The following DPP10 variants were observed in gnomAD, a reference collection of about 807,000 sequenced individuals.
DPP10 encodes inactive dipeptidyl peptidase 10.
A neutral mutation model predicts 120.9 loss-of-function variants in DPP10; 33 were observed. That is an observed-to-expected ratio of 0.27 (90% CI 0.21 to 0.37). The LOEUF is 0.37. Among genes scored for constraint, DPP10 ranks in the 10% least tolerant of loss-of-function variants. The pLI is 1.00. For synonymous variants in DPP10, 337 were observed against 326.1 expected (o/e 1.03, Z -0.36); for missense variants, 816 against 942.8 (o/e 0.87, Z 1.76).
intron 4 of DPP10, among the ~76,000 whole-genome samples, chr2:115,506,844 G>A (rs922535081): frequency 6.6e-6 from 1 of 152,088 alleles, no homozygotes; most frequent in Non-Finnish European, 1.5e-5. Flanking sequence ...AACTGTGAGT[G>A]TGGTTTACAT....
At chr2:115,085,638 T>C (rs1445244373) in intron 1 of DPP10, among the ~76,000 whole-genome samples, 1 of 152,088 alleles carries the variant, frequency 6.6e-6, no homozygotes, top group Non-Finnish European at 1.5e-5. Context: ...TGTTAGGAAA[T>C]CTCAAAGTTT....
intron 5 of DPP10, among the ~76,000 whole-genome samples, chr2:115,533,158 T>G (rs985411002): frequency 6.6e-6 from 1 of 152,118 alleles, no homozygotes; most frequent in Non-Finnish European, 1.5e-5. Context: ...ATGTTTGTTA[T>G]CAGAAACTTT....
chr2:114,647,449 A>T (rs1310158898), intron 1 of DPP10, among the ~76,000 whole-genome samples: 3 of 152,184 alleles, frequency 2.0e-5, no homozygotes, highest in Non-Finnish European at 4.4e-5. Flanking sequence ...GAATTTCCCT[A>T]ACTGCTTCAA....
chr2:115,058,323 C>G (rs1182864091), intron 1 of DPP10, among the ~76,000 whole-genome samples: 1 of 148,884 alleles, frequency 6.7e-6, no homozygotes, highest in East Asian at 2.0e-4. Context: ...CTAGTTAACA[C>G]CCAGCTTCTA....
intron 2 of DPP10, among the ~76,000 whole-genome samples, chr2:115,331,706 T>C (rs1422424823): frequency 2.6e-5 from 4 of 152,196 alleles, no homozygotes; most frequent in Non-Finnish European, 4.4e-5. Flanking sequence ...TTTGGTTCTA[T>C]TTATATGATG....
chr2:115,033,931 C>T (rs1573380280), intron 1 of DPP10, among the ~76,000 whole-genome samples: 1 of 116,010 alleles, frequency 8.6e-6, no homozygotes, highest in African/African-American at 3.3e-5. Flanking sequence ...CGGAGTCTTG[C>T]TCTGTCACCA....
intron 1 of DPP10, among the ~76,000 whole-genome samples, chr2:114,627,538 G>A (rs920684202): frequency 7.9e-5 from 12 of 152,038 alleles, no homozygotes; most frequent in Non-Finnish European, 1.2e-4. Flanking sequence ...GACCCCAAGA[G>A]AGCTCTATGG....
intron 1 of DPP10, among the ~76,000 whole-genome samples, chr2:115,294,409 A>C (rs2060792438): frequency 6.6e-6 from 1 of 152,094 alleles, no homozygotes; most frequent in African/African-American, 2.4e-5. Flanking sequence ...GTACACAAGT[A>C]GGTAAATTTT....
At chr2:114,876,001 T>A (rs1306022718) in intron 1 of DPP10, among the ~76,000 whole-genome samples, 1 of 152,142 alleles carries the variant, frequency 6.6e-6, no homozygotes, top group Admixed American at 6.6e-5. Context: ...GCCTTGGTCA[T>A]TTTTTAGAGT....
intron 1 of DPP10, among the ~76,000 whole-genome samples, chr2:114,856,678 T>C (rs1370405853): frequency 6.6e-6 from 1 of 152,152 alleles, no homozygotes; most frequent in African/African-American, 2.4e-5. Flanking sequence ...TTCAAAGACA[T>C]GCAAAACTAA....
At chr2:115,120,752 T>C (rs1422415692) in intron 1 of DPP10, among the ~76,000 whole-genome samples, 1 of 152,212 alleles carries the variant, frequency 6.6e-6, no homozygotes, top group Non-Finnish European at 1.5e-5. Context: ...CTTGGATGAT[T>C]TGACTTGTCC....
intron 1 of DPP10, among the ~76,000 whole-genome samples, chr2:115,095,960 A>G (rs1481525625): frequency 6.6e-6 from 1 of 152,174 alleles, no homozygotes; most frequent in Non-Finnish European, 1.5e-5. Flanking sequence ...TAGCTTCTTC[A>G]TGGGTAGGGT....
intron 5 of DPP10, among the ~76,000 whole-genome samples, chr2:115,608,202 A>G (rs903325613): frequency 2.0e-5 from 3 of 152,086 alleles, no homozygotes; most frequent in African/African-American, 7.2e-5. Flanking sequence ...AGTCTGGCCA[A>G]CATGGTAAAA....
intron 1 of DPP10, among the ~76,000 whole-genome samples, chr2:114,854,844 G>T (rs1689248838): frequency 6.6e-6 from 1 of 152,136 alleles, no homozygotes; most frequent in East Asian, 1.9e-4. Flanking sequence ...GAAGGTGGAA[G>T]TTTAGGAGTG....
At chr2:115,242,886 CAT>C (rs2058354745) in intron 1 of DPP10, among the ~76,000 whole-genome samples, 1 of 152,006 alleles carries the variant, frequency 6.6e-6, no homozygotes. Context: ...TATATAGTCT[CAT>C]ATTTTAACAA....
At chr2:115,103,711 G>A (rs993005618) in intron 1 of DPP10, among the ~76,000 whole-genome samples, 3 of 152,156 alleles carry the variant, frequency 2.0e-5, no homozygotes, top group African/African-American at 7.2e-5. Context: ...GTTTTTCCAT[G>A]AAGAATCAGA....
Position 114,822,049 on chromosome 2 carries a change from G to A in DPP10, c.60+379211G>A, listed in dbSNP as rs1686134996. Among the ~76,000 whole-genome samples the A allele has an allele frequency of 3.9e-5, 6 of 152,306 alleles. No individual in the cohort carries two copies. In the South Asian group the frequency reaches 1.2e-3, roughly 32 times the overall value. On this transcript the variant is annotated intron_variant, in intron 1 of 25. Coordinates refer to ENST00000410059, the MANE Select transcript of DPP10 (RefSeq NM_020868.6). ...ACAGCTCTACTAGGTCCACCAGGCA[G>A]TGCCCAGTGGGGACTCTGTGTGAGG...
In DPP10 at chr2:115,191,793, C is replaced by T. The variant is rs549650360; in HGVS notation, c.61-117446C>T. Among the ~76,000 whole-genome samples the T allele has an allele frequency of 5.9e-5, 9 of 152,164 alleles. No individual in the cohort carries two copies. The South Asian group carries it at 1.9e-3, about 32-fold the overall frequency. ...CCAGCTTTGGATGAGGACGTGGTCC[C>T]CAGGCTGGTGTTGATGTACTGGAAA... On this transcript the variant is annotated intron_variant, in intron 1 of 25. Transcript: ENST00000410059.
chr2:114,857,801 A>G (rs923597327), intron 1 of DPP10, among the ~76,000 whole-genome samples: 6 of 152,134 alleles, frequency 3.9e-5, no homozygotes, highest in Non-Finnish European at 7.4e-5. Flanking sequence ...TGGAGGTAAA[A>G]GTGATGAACT....
Sources: allele counts gnomAD v4.1 joint callset (sites outside exome capture counted in the v4.1 genomes callset), GRCh38; gene constraint gnomAD v4.1.1; transcripts MANE v1.5; gene names NCBI Gene and HGNC (gene_info 2026-07-23, HGNC 2026-07-21).